Variants in TMEM117 observed in about 807,000 individuals in gnomAD.
TMEM117 encodes the protein transmembrane protein 117.
A neutral mutation model predicts 52.4 loss-of-function variants in TMEM117; 27 were observed. That is an observed-to-expected ratio of 0.51 (90% CI 0.38 to 0.71). The LOEUF is 0.71. TMEM117 is among the 30% of genes least tolerant of loss of function. The pLI, the probability that TMEM117 is intolerant of heterozygous loss-of-function variation, is 0.00. For missense variants in TMEM117, 556 were observed against 630.5 expected (o/e 0.88, Z 1.26); for synonymous variants, 215 against 206.3 (o/e 1.04, Z -0.36).
At chr12:44,214,206 C>A (rs989385752) in intron 5 of TMEM117, among the ~76,000 whole-genome samples, 1 of 140,562 alleles carries the variant, frequency 7.1e-6, no homozygotes, top group African/African-American at 2.6e-5. Context: ...GAGTGCGTGG[C>A]ACAGTCTCGG....
chr12:44,307,358 C>T (rs1160835), intron 6 of TMEM117, among the ~76,000 whole-genome samples: 9,184 of 152,230 alleles, frequency 0.06, 403 homozygotes, highest in African/African-American at 0.12. Flanking sequence ...TTTAACATCT[C>T]CTTGAGCTTT....
chr12:44,385,613 A>C, intron 7 of TMEM117, among the ~76,000 whole-genome samples: 1 of 152,114 alleles, frequency 6.6e-6, no homozygotes. Flanking sequence ...GGAAAATAAA[A>C]ATTTTATAAG....
chr12:44,083,956 A>G (rs928523903), intron 3 of TMEM117, among the ~76,000 whole-genome samples: 1 of 152,220 alleles, frequency 6.6e-6, no homozygotes, highest in Admixed American at 6.5e-5. Context: ...TCCTAAAAAT[A>G]CAACAAAAAA....
intron 3 of TMEM117, among the ~76,000 whole-genome samples, chr12:44,103,174 ATTACT>A (rs1947892746): frequency 6.6e-6 from 1 of 151,240 alleles, no homozygotes. Flanking sequence ...CTTACTTTAC[ATTACT>A]TTATAAGGTC....
At chr12:43,903,409 A>G (rs747726668) in intron 2 of TMEM117, among the ~76,000 whole-genome samples, 25 of 152,228 alleles carry the variant, frequency 1.6e-4, no homozygotes, top group Non-Finnish European at 3.4e-4. Flanking sequence ...ATTAAGGGAC[A>G]TTAGAATGAG....
chr12:44,070,308 G>A (rs1182693454), intron 3 of TMEM117, among the ~76,000 whole-genome samples: 1 of 152,202 alleles, frequency 6.6e-6, no homozygotes, highest in Non-Finnish European at 1.5e-5. Context: ...CATCCTTGTT[G>A]AAGGCAGAAA....
At chr12:44,299,932 C>A (rs1463842795) in intron 6 of TMEM117, among the ~76,000 whole-genome samples, 193 bp downstream of exon 6, 1 of 151,984 alleles carries the variant, frequency 6.6e-6, no homozygotes, top group Non-Finnish European at 1.5e-5. Flanking sequence ...ATAAGAGGGG[C>A]ACCAAAAATG....
At chr12:43,837,809 T>G (rs1943057183) in intron 1 of TMEM117, among the ~76,000 whole-genome samples, 1 of 152,226 alleles carries the variant, frequency 6.6e-6, no homozygotes, top group East Asian at 1.9e-4. Context: ...CCTACTTTGC[T>G]TTTGGAGTTG....
At position 44,102,470 on chromosome 12, in the gene TMEM117, A is replaced by G. The variant is rs562120074; in HGVS notation, c.411-41055A>G. Among the ~76,000 whole-genome samples the G allele has an allele frequency of 5.9e-5, 9 of 151,418 alleles. No individual in the cohort carries two copies. In the South Asian group the frequency reaches 1.7e-3, roughly 28 times the overall value. ...TCATTCTCTGTCTCTCTCTTCCTCT[A>G]TCCATCTCTCTAAATGCCTCTCTCT... On this transcript the variant is annotated intron_variant, in intron 3 of 7. Coordinates refer to ENST00000266534, the MANE Select transcript of TMEM117 (RefSeq NM_032256.3).
the TMEM117 span, among the ~76,000 whole-genome samples, chr12:44,397,790 C>G: frequency 6.6e-6 from 1 of 152,172 alleles, no homozygotes; most frequent in African/African-American, 2.4e-5. Flanking sequence ...GGAAGAGAAG[C>G]CTGGCACCTA....
rs556141202 is a variant in TMEM117, at chr12:43,850,912, A to G, written c.277+5984A>G. Among the ~76,000 whole-genome samples the G allele has an allele frequency of 3.6e-4, 55 of 152,260 alleles. 1 individual carries two copies. The highest frequency in any genetic ancestry group is 3.3e-3 in the Admixed American group (51 of 15,284). On this transcript the variant is annotated intron_variant, in intron 2 of 7. Transcript: ENST00000266534. ...ATGATGATGTTGTGTGTATGTTGGG[A>G]GGAATGGGATTGCTAATGACGAGCA...
At chr12:44,392,876 A>G (rs1055162190), downstream of TMEM117, among the ~76,000 whole-genome samples, 4 of 152,088 alleles carry the variant, frequency 2.6e-5, no homozygotes, top group African/African-American at 9.7e-5. Context: ...ACAGTAGGCA[A>G]CATGAGAAGA....
intron 7 of TMEM117, among the ~76,000 whole-genome samples, chr12:44,385,664 C>A (rs1188283827): frequency 6.6e-6 from 1 of 152,156 alleles, no homozygotes; most frequent in Non-Finnish European, 1.5e-5. Flanking sequence ...ACCTCTTCCC[C>A]CACCATCTGG....
chr12:44,014,874 C>T (rs557611220), intron 3 of TMEM117, among the ~76,000 whole-genome samples: 9 of 151,838 alleles, frequency 5.9e-5, no homozygotes, highest in East Asian at 1.9e-4. Context: ...ATACTGTGAT[C>T]GGTATGTGAA....
the TMEM117 span, among the ~76,000 whole-genome samples, chr12:43,808,231 C>T: frequency 4.6e-5 from 7 of 152,330 alleles, no homozygotes; most frequent in South Asian, 1.4e-3. Context: ...AATAAGATCT[C>T]TCTGCTTGTG....
At chr12:44,370,218 T>C (rs1474300790) in intron 6 of TMEM117, among the ~76,000 whole-genome samples, 1 of 152,178 alleles carries the variant, frequency 6.6e-6, no homozygotes, top group Non-Finnish European at 1.5e-5. Context: ...TAATCAACTC[T>C]CCAAACATTT....
At chr12:43,867,090 C>G (rs1242034768) in intron 2 of TMEM117, among the ~76,000 whole-genome samples, 1 of 147,628 alleles carries the variant, frequency 6.8e-6, no homozygotes, top group Non-Finnish European at 1.5e-5. Flanking sequence ...AACTCCATCT[C>G]AAGAGAAAAA....
chr12:44,338,497 AG>A (rs1951372384), intron 6 of TMEM117, among the ~76,000 whole-genome samples: 1 of 151,914 alleles, frequency 6.6e-6, no homozygotes, highest in African/African-American at 2.4e-5. Context: ...CACACGAAAA[AG>A]ATGGTGGAAA....
intron 5 of TMEM117, among the ~76,000 whole-genome samples, chr12:44,273,717 TATG>T (rs1950477627): frequency 6.6e-6 from 1 of 152,100 alleles, no homozygotes; most frequent in Non-Finnish European, 1.5e-5. Context: ...GACAAAATCA[TATG>T]ATCATTTCAA....
Sources: gnomAD v4.1 joint callset for allele counts (sites outside exome capture counted in the v4.1 genomes callset) on GRCh38, gnomAD v4.1.1 for gene constraint, MANE v1.5 for transcripts, NCBI Gene and HGNC (gene_info 2026-07-23, HGNC 2026-07-21) for gene names.